The following CNTNAP2 variants were observed in gnomAD, a reference collection of about 807,000 sequenced individuals.
The protein encoded by CNTNAP2 is contactin associated protein 2, also known as contactin-associated protein-like 2.
In CNTNAP2, 98 loss-of-function variants were observed where a neutral mutation model predicts 155.2. The ratio of observed to expected loss-of-function variants is 0.63; its 90% CI spans 0.54 to 0.75. CNTNAP2 has a LOEUF of 0.75. Among genes scored for constraint, CNTNAP2 ranks in the 30% least tolerant of loss-of-function variants. The pLI is 0.00. For missense variants in CNTNAP2, 1,727 were observed against 1,688.1 expected, an observed-to-expected ratio of 1.02 and a Z score of -0.40; for synonymous variants, 651 against 631.2, an observed-to-expected ratio of 1.03 and a Z score of -0.47.
At chr7:147,401,417 C>T (rs1459574356) in intron 10 of CNTNAP2, among the ~76,000 whole-genome samples, 1 of 151,848 alleles carries the variant, frequency 6.6e-6, no homozygotes, top group Non-Finnish European at 1.5e-5. Context: ...TAATTCAATG[C>T]TTTATTTTCA....
chr7:146,260,116 T>G (rs1799898913), intron 1 of CNTNAP2, among the ~76,000 whole-genome samples: 1 of 152,222 alleles, frequency 6.6e-6, no homozygotes. Flanking sequence ...GCCCCAAGCC[T>G]TGGCAGCTTC....
intron 15 of CNTNAP2, among the ~76,000 whole-genome samples, chr7:148,040,408 A>T (rs544824221): frequency 1.3e-5 from 2 of 152,170 alleles, no homozygotes; most frequent in Non-Finnish European, 2.9e-5. Context: ...CATTCCCAGG[A>T]TCCATCCTCA....
intron 14 of CNTNAP2, among the ~76,000 whole-genome samples, chr7:147,908,340 G>A (rs1419066881): frequency 2.0e-5 from 3 of 152,158 alleles, no homozygotes; most frequent in Non-Finnish European, 4.4e-5. Context: ...ATGCACCAAG[G>A]GCATTCGTTA....
chr7:146,342,750 A>G (rs1794750573), intron 1 of CNTNAP2, among the ~76,000 whole-genome samples: 1 of 152,170 alleles, frequency 6.6e-6, no homozygotes. Context: ...ATATTGTCCC[A>G]TTTATCTGTC....
chr7:148,280,650 G>T (rs1191265687), intron 21 of CNTNAP2, among the ~76,000 whole-genome samples: 1 of 152,152 alleles, frequency 6.6e-6, no homozygotes, highest in African/African-American at 2.4e-5. Flanking sequence ...CGGGCACGGT[G>T]GCTCATGCTT....
intron 21 of CNTNAP2, among the ~76,000 whole-genome samples, chr7:148,372,106 G>A (rs956441691): frequency 1.1e-4 from 16 of 152,098 alleles, no homozygotes; most frequent in Admixed American, 9.2e-4. Context: ...GGAGGCTGAG[G>A]CAGGAGCATC....
chr7:146,779,027 G>A, intron 2 of CNTNAP2, among the ~76,000 whole-genome samples: 1 of 152,178 alleles, frequency 6.6e-6, no homozygotes, highest in Admixed American at 6.5e-5. Context: ...AGAGAGAAGA[G>A]GAGAGCAGGT....
At chr7:146,561,948 A>G (rs1798285887) in intron 1 of CNTNAP2, among the ~76,000 whole-genome samples, 1 of 151,636 alleles carries the variant, frequency 6.6e-6, no homozygotes. Context: ...ACACCACCAT[A>G]TTCAGCTATT....
intron 1 of CNTNAP2, among the ~76,000 whole-genome samples, chr7:146,346,507 C>A (rs1233280508): frequency 6.6e-6 from 1 of 152,104 alleles, no homozygotes; most frequent in Admixed American, 6.5e-5. Flanking sequence ...CATGGTGAAA[C>A]CCTGTCTCTA....
intron 1 of CNTNAP2, among the ~76,000 whole-genome samples, chr7:146,397,644 T>C (rs1425156812): frequency 6.6e-6 from 1 of 152,122 alleles, no homozygotes; most frequent in African/African-American, 2.4e-5. Flanking sequence ...ATAGTTTAAG[T>C]GATTTTGAAA....
chr7:146,899,505 A>G (rs1795949305), intron 3 of CNTNAP2, among the ~76,000 whole-genome samples: 1 of 151,730 alleles, frequency 6.6e-6, no homozygotes, highest in South Asian at 2.1e-4. Flanking sequence ...CATGCATTGA[A>G]CCTGTATTTT....
rs34093586 is a variant in CNTNAP2 at position 147,985,407 on chromosome 7, C to CTTTTTTTTTTTTTTTTT, written c.2383+7421_2383+7437dup. Among the ~76,000 whole-genome samples, 2 of 108,056 alleles carry CTTTTTTTTTTTTTTTTT rather than the reference C, an allele frequency of 1.9e-5. 1 individual carries two copies. Among genetic ancestry groups the CTTTTTTTTTTTTTTTTT allele is most frequent in the Non-Finnish European group, 3.4e-5 (2 of 58,336 alleles). The allele number at this position is 108,056 out of a possible 152,430, so 70.9% of individuals were successfully genotyped here. ...TCTTGGGAGTTGATTTATGTTTTTACTTTTTTTTTTTTTTTTTTTGCGAAT... is the reference window on the plus strand; with the variant it reads ...TCTTGGGAGTTGATTTATGTTTTTACTTTTTTTTTTTTTTTTTTTTTTTTTTTTTTTTTTTTGCGAAT... On this transcript the variant is annotated intron_variant, in intron 15 of 23. Coordinates refer to ENST00000361727, the MANE Select transcript of CNTNAP2 (RefSeq NM_014141.6).
intron 11 of CNTNAP2, among the ~76,000 whole-genome samples, chr7:147,554,203 G>A (rs1799907244): frequency 6.6e-6 from 1 of 152,100 alleles, no homozygotes; most frequent in Non-Finnish European, 1.5e-5. Context: ...TAAAATACAA[G>A]TAGAGTTGTT....
chr7:147,552,785 GAATTCCTGTGTTCA>G (rs1344191750), intron 11 of CNTNAP2, among the ~76,000 whole-genome samples: 7 of 152,170 alleles, frequency 4.6e-5, no homozygotes. Context: ...CCTGTAGCCA[GAATTCCTGTGTTCA>G]AATCCTGGCT....
intron 1 of CNTNAP2, among the ~76,000 whole-genome samples, chr7:146,164,987 T>C (rs1798290575): frequency 1.3e-5 from 2 of 152,136 alleles, no homozygotes. Context: ...ATCTACAAAA[T>C]AGTATTTTTG....
At chr7:146,278,130 T>A (rs1800193339) in intron 1 of CNTNAP2, among the ~76,000 whole-genome samples, 1 of 152,170 alleles carries the variant, frequency 6.6e-6, no homozygotes, top group South Asian at 2.1e-4. Flanking sequence ...TTGAGACAAC[T>A]GATGTGCCTA....
At chr7:148,357,050 C>T (rs1422264946) in intron 21 of CNTNAP2, among the ~76,000 whole-genome samples, 3 of 152,142 alleles carry the variant, frequency 2.0e-5, no homozygotes, top group Non-Finnish European at 4.4e-5. Context: ...TAGTACTTTG[C>T]TGTTACCCCA....
intron 9 of CNTNAP2, among the ~76,000 whole-genome samples, chr7:147,369,139 T>C (rs931813111): frequency 2.6e-5 from 4 of 152,250 alleles, no homozygotes; most frequent in Non-Finnish European, 5.9e-5. Flanking sequence ...CAGGTTATTT[T>C]ATAGACACAA....
chr7:147,384,534 A>T (rs555182162), intron 9 of CNTNAP2, among the ~76,000 whole-genome samples: 42 of 152,296 alleles, frequency 2.8e-4, no homozygotes, highest in African/African-American at 1.0e-3. Flanking sequence ...TAGAATACAT[A>T]TATGAGGATC....
Sources: gnomAD v4.1 joint callset for allele counts (sites outside exome capture counted in the v4.1 genomes callset) on GRCh38, gnomAD v4.1.1 for gene constraint, MANE v1.5 for transcripts, NCBI Gene and HGNC (gene_info 2026-07-23, HGNC 2026-07-21) for gene names.